Variants in AGBL1 observed in about 807,000 individuals in gnomAD.
AGBL1 encodes the protein cytosolic carboxypeptidase 4.
In AGBL1, 130 loss-of-function variants were observed where a neutral mutation model predicts 118.9. The observed-to-expected ratio is 1.09, with a 90% CI of 0.95 to 1.26. AGBL1 has a LOEUF of 1.26. AGBL1 is among the 50% of genes most tolerant of loss of function. AGBL1 has a pLI of 0.00. For synonymous variants in AGBL1, 555 were observed against 478.9 expected (o/e 1.16, Z -2.08); for missense variants, 1,584 against 1,298.1 (o/e 1.22, Z -3.38).
At chr15:86,743,085 G>A (rs915582428) in intron 22 of AGBL1, among the ~76,000 whole-genome samples, 1 of 152,094 alleles carries the variant, frequency 6.6e-6, no homozygotes, top group African/African-American at 2.4e-5. Flanking sequence ...CTCCCAAGGA[G>A]CGTGGTCACA....
At chr15:86,196,877 G>GCACACA (rs1411585572) in intron 5 of AGBL1, among the ~76,000 whole-genome samples, 6 of 86,386 alleles carry the variant, frequency 6.9e-5, no homozygotes, top group African/African-American at 5.7e-5. Context: ...GTGCGCGCGC[G>GCACACA]CGCACACACA....
At chr15:86,114,380 G>T (rs1360457735) in intron 1 of AGBL1, among the ~76,000 whole-genome samples, 1 of 152,182 alleles carries the variant, frequency 6.6e-6, no homozygotes, top group African/African-American at 2.4e-5. Context: ...GAGGTGGCCT[G>T]CGTCTTCTAC....
intron 18 of AGBL1, among the ~76,000 whole-genome samples, chr15:86,466,705 A>G: frequency 6.6e-6 from 1 of 151,884 alleles, no homozygotes; most frequent in East Asian, 1.9e-4. Flanking sequence ...GTTGATGTTG[A>G]TTCTATTGCT....
intron 21 of AGBL1, among the ~76,000 whole-genome samples, chr15:86,559,634 C>T (rs2083785274): frequency 6.6e-6 from 1 of 152,120 alleles, no homozygotes; most frequent in African/African-American, 2.4e-5. Context: ...TCTTAAATTA[C>T]TTCATGTCTG....
intron 21 of AGBL1, among the ~76,000 whole-genome samples, chr15:86,657,099 C>A (rs916014897): frequency 6.6e-6 from 1 of 152,134 alleles, no homozygotes; most frequent in African/African-American, 2.4e-5. Context: ...CCTCACCTTC[C>A]TCGTTTCTCA....
chr15:86,665,483 A>T (rs989845661), intron 21 of AGBL1, among the ~76,000 whole-genome samples: 1 of 152,092 alleles, frequency 6.6e-6, no homozygotes. Flanking sequence ...TTTTATTGTT[A>T]TATTAATTTG....
intron 18 of AGBL1, among the ~76,000 whole-genome samples, chr15:86,401,819 T>C (rs187139182): frequency 1.1e-3 from 175 of 152,262 alleles, no homozygotes; most frequent in African/African-American, 4.0e-3. Context: ...TGCCTATTTT[T>C]ATGCTAGCAC....
intron 19 of AGBL1, among the ~76,000 whole-genome samples, chr15:86,534,043 C>T (rs1209908679): frequency 5.0e-5 from 6 of 119,330 alleles, no homozygotes; most frequent in African/African-American, 1.7e-4. Context: ...AGCGCACCAG[C>T]ATGGCACATG....
intron 21 of AGBL1, among the ~76,000 whole-genome samples, chr15:86,582,227 T>G (rs1208419394): frequency 3.3e-5 from 5 of 152,198 alleles, no homozygotes; most frequent in Non-Finnish European, 5.9e-5. Context: ...GTTCACTCTT[T>G]GAGTCTTGGT....
intron 21 of AGBL1, among the ~76,000 whole-genome samples, chr15:86,652,658 C>A (rs993276098): frequency 3.3e-5 from 5 of 152,048 alleles, no homozygotes; most frequent in African/African-American, 1.2e-4. Context: ...TTTCTGGAAC[C>A]CTATTCTGAG....
intron 24 of AGBL1, among the ~76,000 whole-genome samples, chr15:87,015,156 C>T (rs901116321): frequency 6.6e-6 from 1 of 152,116 alleles, no homozygotes. Flanking sequence ...CTGAAACCTG[C>T]ACCTTTAGCC....
Position 86,788,774 on chromosome 15 carries a change from G to A in AGBL1, c.3158+114338G>A, listed in dbSNP as rs765219804. On this transcript the variant is annotated intron_variant, in intron 22 of 22. Coordinates refer to ENST00000614907, the MANE Select transcript of AGBL1 (RefSeq NM_001386094.1). ...GAATGGATCTGCATCCAGCATGGTC[G>A]AAGGCCTCTCTAAGGTACAAACATT... is the stretch of plus-strand genomic sequence containing the variant. 6.7e-4 allele frequency among the ~76,000 whole-genome samples: 102 copies of A among 152,298 alleles called. No homozygotes were observed. In the Middle Eastern group the frequency reaches 0.01, roughly 15 times the overall value.
At chr15:86,725,377 G>A (rs964595501) in intron 22 of AGBL1, among the ~76,000 whole-genome samples, 4 of 152,100 alleles carry the variant, frequency 2.6e-5, no homozygotes, top group African/African-American at 9.7e-5. Context: ...GGATAGGGTA[G>A]GGGAGGTTTT....
At chr15:86,773,259 G>A (rs569861191) in intron 22 of AGBL1, among the ~76,000 whole-genome samples, 113 of 152,012 alleles carry the variant, frequency 7.4e-4, no homozygotes, top group Non-Finnish European at 1.4e-3. Flanking sequence ...ATTCAACATG[G>A]TAATGCAGTG....
chr15:86,447,368 A>G (rs1252844051), intron 18 of AGBL1, among the ~76,000 whole-genome samples: 1 of 152,212 alleles, frequency 6.6e-6, no homozygotes, highest in East Asian at 1.9e-4. Context: ...TGCTATAGCC[A>G]GGGAAAGCCT....
At chr15:86,815,108 T>C (rs2078840863) in intron 22 of AGBL1, among the ~76,000 whole-genome samples, 1 of 152,190 alleles carries the variant, frequency 6.6e-6, no homozygotes, top group African/African-American at 2.4e-5. Flanking sequence ...TTTGTGTACC[T>C]GTAAATAAGT....
chr15:86,477,524 T>G (rs1274279811), intron 18 of AGBL1, among the ~76,000 whole-genome samples: 3 of 152,116 alleles, frequency 2.0e-5, no homozygotes. Flanking sequence ...CTCCCAAGAC[T>G]AAACCAGGAA....
intron 24 of AGBL1, among the ~76,000 whole-genome samples, chr15:86,994,967 G>T (rs2081367169): frequency 6.6e-6 from 1 of 152,164 alleles, no homozygotes; most frequent in Admixed American, 6.5e-5. Context: ...ACCAAGCATA[G>T]AGCTATGTTG....
At chr15:86,938,187 T>C (rs994835588) in intron 23 of AGBL1, among the ~76,000 whole-genome samples, 2 of 152,174 alleles carry the variant, frequency 1.3e-5, no homozygotes, top group African/African-American at 4.8e-5. Flanking sequence ...TTGCTGCCCA[T>C]GGAAGTCTGC....
Sources: allele counts gnomAD v4.1 joint callset (sites outside exome capture counted in the v4.1 genomes callset), GRCh38; gene constraint gnomAD v4.1.1; transcripts MANE v1.5; gene names NCBI Gene and HGNC (gene_info 2026-07-23, HGNC 2026-07-21).